Variants in ZNF438 observed in about 807,000 individuals in gnomAD.
The protein encoded by ZNF438 is zinc finger protein 438.
In ZNF438, 25 loss-of-function variants were observed where a neutral mutation model predicts 38.0. The ratio of observed to expected loss-of-function variants is 0.66; its 90% CI spans 0.48 to 0.92. The LOEUF (loss-of-function observed/expected upper bound fraction) is 0.92. Among genes scored for constraint, ZNF438 ranks in the 40% least tolerant of loss-of-function variants. ZNF438 has a pLI of 0.00. For missense variants in ZNF438, 1,007 were observed against 999.6 expected (o/e 1.01, Z -0.10); for synonymous variants, 372 against 364.1 (o/e 1.02, Z -0.25).
chr10:30,871,680 G>T (rs960312205), intron 4 of ZNF438, among the ~76,000 whole-genome samples: 3 of 152,168 alleles, frequency 2.0e-5, no homozygotes, highest in Non-Finnish European at 4.4e-5. Context: ...GCAAGACATA[G>T]AATACATTTT....
In ZNF438 at chr10:30,968,434, CTTTTTTTTTTTTTTTT is replaced by C. The variant is rs546132410; in HGVS notation, c.-191-26799_-191-26784del. ...CTTAGAGAATTTAACTGAATGTAAA[CTTTTTTTTTTTTTTTT>C]TTTTTTTTTTGAGACGGAGTTTCGC... On this transcript the variant is annotated intron_variant, in intron 1 of 5. Transcript: ENST00000413025. 8.3e-3 allele frequency among the ~76,000 whole-genome samples: 858 copies of C among 103,676 alleles called. 11 individuals carry two copies. The highest frequency in any genetic ancestry group is 0.033 in the African/African-American group (825 of 24,794). The allele number at this position is 103,676 out of a possible 152,430, so 68.0% of individuals were successfully genotyped here.
At chr10:30,978,189 T>C (rs773405729) in intron 1 of ZNF438, among the ~76,000 whole-genome samples, 12 of 152,210 alleles carry the variant, frequency 7.9e-5, no homozygotes, top group Non-Finnish European at 1.5e-4. Flanking sequence ...AAACTGGAAA[T>C]GTACACCAAT....
intron 3 of ZNF438, among the ~76,000 whole-genome samples, chr10:30,884,600 CAGAA>C (rs1474401216): frequency 1.3e-5 from 2 of 151,992 alleles, no homozygotes; most frequent in East Asian, 3.8e-4. Context: ...AAAAATCTAT[CAGAA>C]AGGAATAAAA....
chr10:30,968,861 T>C (rs543173418), intron 1 of ZNF438, among the ~76,000 whole-genome samples: 3 of 152,246 alleles, frequency 2.0e-5, no homozygotes, highest in South Asian at 2.1e-4. Flanking sequence ...AGACCCGTGG[T>C]TGGGATCTGA....
intron 3 of ZNF438, among the ~76,000 whole-genome samples, chr10:30,896,295 C>CAAAA: frequency 9.3e-6 from 1 of 107,058 alleles, no homozygotes; most frequent in South Asian, 3.0e-4. Flanking sequence ...GACTCCATCT[C>CAAAA]AAAAAAAAAA....
chr10:31,009,766 T>C (rs2055489133), intron 1 of ZNF438, among the ~76,000 whole-genome samples: 1 of 152,150 alleles, frequency 6.6e-6, no homozygotes, highest in Non-Finnish European at 1.5e-5. Flanking sequence ...AGCATCAAAC[T>C]TACTTTGTGG....
intron 2 of ZNF438, among the ~76,000 whole-genome samples, chr10:30,927,510 A>T (rs560049005): frequency 2.6e-5 from 4 of 152,352 alleles, no homozygotes; most frequent in Admixed American, 1.3e-4. Context: ...TTCCCACCCT[A>T]GCTAAAGATT....
intron 1 of ZNF438, among the ~76,000 whole-genome samples, chr10:30,975,637 C>T (rs1244852871): frequency 6.6e-6 from 1 of 152,186 alleles, no homozygotes; most frequent in African/African-American, 2.4e-5. Flanking sequence ...ACTATTTCTA[C>T]TTCTTTTCTC....
intron 1 of ZNF438, among the ~76,000 whole-genome samples, chr10:30,970,767 C>T (rs1354289728): frequency 6.6e-6 from 1 of 152,148 alleles, no homozygotes; most frequent in Non-Finnish European, 1.5e-5. Context: ...AGGGAACCAC[C>T]TTCAATCTAA....
chr10:30,897,229 C>G (rs2134161291), intron 3 of ZNF438, among the ~76,000 whole-genome samples: 1 of 152,216 alleles, frequency 6.6e-6, no homozygotes, highest in East Asian at 1.9e-4. Flanking sequence ...ATATTTTATA[C>G]AAAAGTAAAT....
At chr10:30,905,914 T>C (rs1196173051) in intron 3 of ZNF438, among the ~76,000 whole-genome samples, 2 of 152,250 alleles carry the variant, frequency 1.3e-5, no homozygotes, top group African/African-American at 2.4e-5. Context: ...TTCTATTCCA[T>C]TGATCTGTAT....
At chr10:30,853,615 G>A (rs1021044207) in intron 4 of ZNF438, among the ~76,000 whole-genome samples, 4 of 152,172 alleles carry the variant, frequency 2.6e-5, no homozygotes, top group South Asian at 4.1e-4. Context: ...TCTTCTCAAC[G>A]AGCATCTCCT....
intron 4 of ZNF438, among the ~76,000 whole-genome samples, chr10:30,864,350 G>C (rs1398280229): frequency 6.6e-6 from 1 of 152,140 alleles, no homozygotes; most frequent in African/African-American, 2.4e-5. Flanking sequence ...GGCCCCTTGT[G>C]CCTCGGGGAT....
intron 1 of ZNF438, among the ~76,000 whole-genome samples, chr10:30,957,696 C>T (rs1180195467): frequency 6.6e-6 from 1 of 152,096 alleles, no homozygotes; most frequent in Non-Finnish European, 1.5e-5. Context: ...TATTCTGTAC[C>T]ACTGTCCTAT....
At chr10:30,985,052 A>G (rs538351450) in intron 1 of ZNF438, among the ~76,000 whole-genome samples, 75 of 152,308 alleles carry the variant, frequency 4.9e-4, no homozygotes, top group Admixed American at 9.2e-4. Context: ...TGTGCAATGA[A>G]GCCAGTTGTC....
chr10:31,023,071 G>C (rs1439911264), intron 1 of ZNF438, among the ~76,000 whole-genome samples: 1 of 152,072 alleles, frequency 6.6e-6, no homozygotes, highest in Non-Finnish European at 1.5e-5. Context: ...TATATAAATG[G>C]TACTATGATC....
intron 3 of ZNF438, among the ~76,000 whole-genome samples, chr10:30,902,353 T>C (rs78682617): frequency 0.14 from 19,958 of 138,178 alleles, 1,642 homozygotes; most frequent in Middle Eastern, 0.26. Context: ...AGAGTGTCGA[T>C]TGGTGTATTT....
chr10:30,845,015 T>C, exon 6 of ZNF438: 3 of 1,614,182 alleles, frequency 1.9e-6, no homozygotes, highest in Non-Finnish European at 2.5e-6. Flanking sequence ...AGACCGTATT[T>C]AAAATAGCCC....
At chr10:30,992,366 G>A (rs944300141) in intron 1 of ZNF438, among the ~76,000 whole-genome samples, 1 of 152,018 alleles carries the variant, frequency 6.6e-6, no homozygotes, top group African/African-American at 2.4e-5. Context: ...GGAGCATTAA[G>A]GGTGATTCTG....
Sources: allele counts gnomAD v4.1 joint callset (sites outside exome capture counted in the v4.1 genomes callset), GRCh38; gene constraint gnomAD v4.1.1; transcripts MANE v1.5; gene names NCBI Gene and HGNC (gene_info 2026-07-23, HGNC 2026-07-21).